Variants in ADAM10 observed in about 807,000 individuals in gnomAD.
ADAM10 encodes disintegrin and metalloproteinase domain-containing protein 10.
In ADAM10, 17 loss-of-function variants were observed where a neutral mutation model predicts 90.1. The observed-to-expected ratio is 0.19, with a 90% confidence interval of 0.13 to 0.28. The LOEUF (loss-of-function observed/expected upper bound fraction) is 0.28, where lower values mean the gene tolerates loss of function less well. Ranked by LOEUF, ADAM10 falls within the 10% of genes least tolerant of loss-of-function variation. The pLI is 1.00. For missense variants in ADAM10, 610 were observed against 914.3 expected, an observed-to-expected ratio of 0.67 and a Z score of 4.29; for synonymous variants, 310 against 298.6, an observed-to-expected ratio of 1.04 and a Z score of -0.40.
chr15:58,621,155 CAG>C (rs1491129985), intron 11 of ADAM10, among the ~76,000 whole-genome samples: 1 of 149,084 alleles, frequency 6.7e-6, no homozygotes, highest in Non-Finnish European at 1.5e-5. Context: ...CCCAGCTACT[CAG>C]GGGGCTGAGG....
In ADAM10 at chr15:58,692,151, G is replaced by A. The variant is rs541092133; in HGVS notation, c.207-9837C>T. ...ATGATCCACACATGATGGACACAGA[G>A]TTGTTCATTTTCCTCTTGTTCTAAA... On this transcript the variant is annotated intron_variant, in intron 2 of 15. Transcript: ENST00000260408. 59 of 528,906 alleles carry A rather than the reference G, an allele frequency of 1.1e-4. 2 individuals carry two copies. The highest frequency in any genetic ancestry group is 7.7e-4 in the South Asian group (54 of 69,706). The allele number at this position is 528,906 out of a possible 1,614,324, so 32.8% of individuals were successfully genotyped here. A position where few individuals can be genotyped will look rare whatever the true frequency, so the allele number is the denominator to read the frequency against.
chr15:58,635,918 G>A (rs531644385), intron 8 of ADAM10, among the ~76,000 whole-genome samples: 1 of 152,166 alleles, frequency 6.6e-6, no homozygotes, highest in Admixed American at 6.5e-5. Context: ...CTGAAATATA[G>A]TAATTTATAT....
Position 58,696,997 on chromosome 15 carries a change from T to C in ADAM10, c.207-14683A>G, listed in dbSNP as rs553811974. On this transcript the variant is annotated intron_variant, in intron 2 of 15. Transcript: ENST00000260408. Reference sequence around the variant, plus strand: ...CTTACATCCCCACCTACAGCCACTGTTGTGATCCCATGCTGCCCCCAAGCC... The same window carrying C: ...CTTACATCCCCACCTACAGCCACTGCTGTGATCCCATGCTGCCCCCAAGCC... 1.8e-3 allele frequency among the ~76,000 whole-genome samples: 267 copies of C among 152,258 alleles called. 1 individual carries two copies. Among genetic ancestry groups the C allele is most frequent in the African/African-American group, 6.1e-3 (255 of 41,556 alleles).
intron 1 of ADAM10, among the ~76,000 whole-genome samples, chr15:58,734,643 T>C (rs1899367672): frequency 6.6e-6 from 1 of 150,660 alleles, no homozygotes; most frequent in Non-Finnish European, 1.5e-5. Context: ...GAGGCCGCAG[T>C]GAGCCAAGAT....
At chr15:58,710,086 C>T (rs1463803677) in intron 2 of ADAM10, among the ~76,000 whole-genome samples, 2 of 151,866 alleles carry the variant, frequency 1.3e-5, no homozygotes, top group South Asian at 2.1e-4. Context: ...GAGACCATCC[C>T]GGCCAACATG....
At chr15:58,710,718 T>A (rs7172364) in intron 2 of ADAM10, among the ~76,000 whole-genome samples, 37,286 of 152,074 alleles carry the variant, frequency 0.25, 5,465 homozygotes, top group East Asian at 0.52. Context: ...ACCATCAGTA[T>A]TTTTTAAATT....
intron 5 of ADAM10, among the ~76,000 whole-genome samples, chr15:58,653,755 T>C (rs2140709232): frequency 6.6e-6 from 1 of 152,290 alleles, no homozygotes; most frequent in East Asian, 1.9e-4. Flanking sequence ...TCCCTCCTCC[T>C]CTATTTTTTG....
intron 2 of ADAM10, among the ~76,000 whole-genome samples, chr15:58,690,417 C>T (rs1402153315): frequency 6.6e-6 from 1 of 152,144 alleles, no homozygotes; most frequent in South Asian, 2.1e-4. Context: ...AAAAATAATC[C>T]TCTTTTAGTT....
intron 9 of ADAM10, among the ~76,000 whole-genome samples, chr15:58,632,063 G>A (rs1415967611): frequency 2.6e-5 from 4 of 152,094 alleles, no homozygotes; most frequent in Non-Finnish European, 5.9e-5. Flanking sequence ...CAAGTGATAA[G>A]GTGAAAGTAA....
At chr15:58,655,682 A>AC (rs1174580522) in intron 5 of ADAM10, among the ~76,000 whole-genome samples, 20 of 89,714 alleles carry the variant, frequency 2.2e-4, no homozygotes, top group East Asian at 1.4e-3. Context: ...ACATACATAT[A>AC]TATATTATAT....
intron 2 of ADAM10, among the ~76,000 whole-genome samples, chr15:58,712,237 T>C (rs1290377852): frequency 6.6e-6 from 1 of 152,178 alleles, no homozygotes; most frequent in Non-Finnish European, 1.5e-5. Flanking sequence ...CTGGAAATTA[T>C]AGTATGCTAA....
chr15:58,679,314 T>G, intron 3 of ADAM10, 32 bp from the exon 4 acceptor site: 2 of 1,605,298 alleles, frequency 1.2e-6, no homozygotes, highest in Non-Finnish European at 1.7e-6. Context: ...TCTTGACAAT[T>G]TAATTTGCAC....
At chr15:58,636,069 G>C (rs762681455) in intron 8 of ADAM10, among the ~76,000 whole-genome samples, 1 of 152,122 alleles carries the variant, frequency 6.6e-6, no homozygotes, top group Non-Finnish European at 1.5e-5. Context: ...CTGAGATCAG[G>C]AGTTGGAGAC....
chr15:58,691,520 G>T, intron 2 of ADAM10: 1 of 569,360 alleles, frequency 1.8e-6, no homozygotes, highest in Non-Finnish European at 3.4e-6. Flanking sequence ...CAGACTGGAA[G>T]GTGTGAGACC....
At chr15:58,731,390 G>A (rs1487264949) in intron 1 of ADAM10, among the ~76,000 whole-genome samples, 6 of 151,962 alleles carry the variant, frequency 3.9e-5, no homozygotes, top group South Asian at 4.1e-4. Context: ...GGGCCGAGGC[G>A]GGCAGATCGC....
intron 2 of ADAM10, among the ~76,000 whole-genome samples, chr15:58,701,843 C>T (rs371620316): frequency 1.3e-5 from 2 of 152,234 alleles, no homozygotes; most frequent in South Asian, 2.1e-4. Context: ...CAGTGACTCA[C>T]GCCTATAATC....
chr15:58,597,983 C>T (rs955548545), intron 15 of ADAM10, among the ~76,000 whole-genome samples: 1 of 152,188 alleles, frequency 6.6e-6, no homozygotes, highest in East Asian at 1.9e-4. Flanking sequence ...TCAATGGAAA[C>T]TAGCAACAAT....
chr15:58,671,173 A>C lies in ADAM10; in HGVS notation c.485-5976T>G, dbSNP rs145169061. ...AAACAGTTTTAACTAGTAGATCTAC[A>C]AGCTTGCCTATAAAAAATGATTCTA... On this transcript the variant is annotated intron_variant, in intron 4 of 15. Coordinates refer to ENST00000260408, the MANE Select transcript of ADAM10 (RefSeq NM_001110.4). 8.4e-3 allele frequency among the ~76,000 whole-genome samples: 1,279 copies of C among 152,310 alleles called. 24 individuals are homozygous for C. Among genetic ancestry groups the C allele is most frequent in the African/African-American group, 0.029 (1,224 of 41,550 alleles).
At chr15:58,598,568 T>C (rs750790123) in intron 15 of ADAM10, among the ~76,000 whole-genome samples, 1 of 152,114 alleles carries the variant, frequency 6.6e-6, no homozygotes, top group Admixed American at 6.5e-5. Flanking sequence ...TTGTATAAGG[T>C]AGTGGATTTG....
Sources: gnomAD v4.1 joint callset for allele counts (sites outside exome capture counted in the v4.1 genomes callset) on GRCh38, gnomAD v4.1.1 for gene constraint, MANE v1.5 for transcripts, NCBI Gene and HGNC (gene_info 2026-07-23, HGNC 2026-07-21) for gene names.